The following RBFOX1 variants were observed in gnomAD, a reference collection of about 807,000 sequenced individuals.
The protein encoded by RBFOX1 is RNA binding protein fox-1 homolog 1.
A neutral mutation model predicts 57.7 loss-of-function variants in RBFOX1; 8 were observed. That is an observed-to-expected ratio of 0.14 (90% confidence interval 0.08 to 0.25). The LOEUF is 0.25. Ranked by LOEUF, RBFOX1 falls within the 10% of genes least tolerant of loss-of-function variation. The pLI is 1.00. For missense variants in RBFOX1, 611 were observed against 548.5 expected (o/e 1.11, Z -1.14); for synonymous variants, 326 against 222.4 (o/e 1.47, Z -4.15).
At chr16:6,837,264 G>C (rs775124200) in intron 3 of RBFOX1, among the ~76,000 whole-genome samples, 3 of 152,298 alleles carry the variant, frequency 2.0e-5, no homozygotes, top group South Asian at 4.1e-4. Flanking sequence ...TCATCTGAGC[G>C]TGCTGCTAGT....
At chr16:6,133,464 C>A (rs988171561) in intron 1 of RBFOX1, among the ~76,000 whole-genome samples, 1 of 152,180 alleles carries the variant, frequency 6.6e-6, no homozygotes, top group Non-Finnish European at 1.5e-5. Context: ...GGGATGGCAC[C>A]ATGCCCAGTG....
chr16:5,440,392 G>T (rs983938396), intron 1 of RBFOX1, among the ~76,000 whole-genome samples: 4 of 152,142 alleles, frequency 2.6e-5, no homozygotes, highest in South Asian at 4.2e-4. Flanking sequence ...AGAGAACAGG[G>T]ATAAAGCTAT....
intron 3 of RBFOX1, among the ~76,000 whole-genome samples, chr16:6,680,558 C>T (rs775022560): frequency 6.6e-5 from 10 of 152,124 alleles, no homozygotes; most frequent in African/African-American, 1.9e-4. Context: ...CCACCGCGTC[C>T]GGCCCTCTTT....
intron 3 of RBFOX1, among the ~76,000 whole-genome samples, chr16:7,030,354 A>G (rs1223255138): frequency 6.6e-6 from 1 of 152,184 alleles, no homozygotes; most frequent in Non-Finnish European, 1.5e-5. Flanking sequence ...GCCATAAGTT[A>G]ACGCCAACTG....
At chr16:6,856,911 AAGAAAG>A (rs1325404712) in intron 3 of RBFOX1, among the ~76,000 whole-genome samples, 6 of 152,164 alleles carry the variant, frequency 3.9e-5, no homozygotes, top group Admixed American at 2.0e-4. Context: ...AGGGAAAAGA[AAGAAAG>A]AGAAAGAGAA....
At chr16:5,748,056 G>A (rs1423103213) in intron 3 of RBFOX1, among the ~76,000 whole-genome samples, 3 of 152,136 alleles carry the variant, frequency 2.0e-5, no homozygotes, top group African/African-American at 7.2e-5. Flanking sequence ...ATGTGTCCCA[G>A]ATATTCTGGT....
chr16:7,048,387 G>C (rs2048789524), intron 3 of RBFOX1, among the ~76,000 whole-genome samples: 1 of 151,962 alleles, frequency 6.6e-6, no homozygotes, highest in African/African-American at 2.4e-5. Context: ...AGCCTCCCTA[G>C]TAGCTGGGAC....
At chr16:6,735,477 G>T (rs1278217886) in intron 3 of RBFOX1, among the ~76,000 whole-genome samples, 1 of 152,184 alleles carries the variant, frequency 6.6e-6, no homozygotes, top group Non-Finnish European at 1.5e-5. Context: ...TAAATCTTCA[G>T]AGTATACATA....
At chr16:6,225,692 C>T (rs1385410575) in intron 1 of RBFOX1, among the ~76,000 whole-genome samples, 1 of 152,140 alleles carries the variant, frequency 6.6e-6, no homozygotes. Flanking sequence ...TAATACCCTG[C>T]TCACACTCTT....
chr16:7,347,560 T>C (rs1213982218), intron 4 of RBFOX1, among the ~76,000 whole-genome samples: 1 of 151,912 alleles, frequency 6.6e-6, no homozygotes, highest in Non-Finnish European at 1.5e-5. Context: ...CCAAACGATA[T>C]CAAGTGGACA....
chr16:7,635,033 G>A (rs1044233839), intron 11 of RBFOX1, among the ~76,000 whole-genome samples: 4 of 152,188 alleles, frequency 2.6e-5, no homozygotes, highest in Admixed American at 6.5e-5. Flanking sequence ...CCATTCCGAA[G>A]GCCAGTGGTC....
intron 3 of RBFOX1, among the ~76,000 whole-genome samples, chr16:6,965,444 C>G (rs1294246874): frequency 6.6e-6 from 1 of 151,752 alleles, no homozygotes; most frequent in Non-Finnish European, 1.5e-5. Flanking sequence ...TCAATTGATT[C>G]TTCTGCCTAA....
chr16:7,219,685 C>G (rs1256795577), intron 4 of RBFOX1, among the ~76,000 whole-genome samples: 2 of 152,176 alleles, frequency 1.3e-5, no homozygotes, highest in African/African-American at 4.8e-5. Context: ...GTATAGATCC[C>G]TGCTCTGAGT....
At chr16:6,431,925 C>G (rs2094108450) in intron 2 of RBFOX1, among the ~76,000 whole-genome samples, 1 of 149,982 alleles carries the variant, frequency 6.7e-6, no homozygotes, top group African/African-American at 2.5e-5. Context: ...TTCTTTCTTT[C>G]TTTCTTTCTT....
intron 4 of RBFOX1, among the ~76,000 whole-genome samples, chr16:7,225,919 T>TATATATAAAA (rs1315130232): frequency 1.4e-5 from 2 of 142,144 alleles, no homozygotes; most frequent in East Asian, 2.0e-4. Context: ...TATATATATA[T>TATATATAAAA]AAATGTGAAT....
At chr16:7,260,690 TAATGAGA>T (rs139473683) in intron 4 of RBFOX1, among the ~76,000 whole-genome samples, 3,800 of 152,308 alleles carry the variant, frequency 0.025, 218 homozygotes, top group East Asian at 0.23. Flanking sequence ...TCTAATGTTC[TAATGAGA>T]ATATTTTCCA....
At chr16:7,659,744 C>T (rs1331008320) in intron 12 of RBFOX1, among the ~76,000 whole-genome samples, 1 of 152,140 alleles carries the variant, frequency 6.6e-6, no homozygotes, top group Non-Finnish European at 1.5e-5. Flanking sequence ...AGTGTGACTT[C>T]TTATTTGCTA....
intron 3 of RBFOX1, among the ~76,000 whole-genome samples, chr16:6,999,212 A>ATTTTTTTTTTTTTTTTTTT (rs1254312494): frequency 5.1e-5 from 6 of 117,682 alleles, no homozygotes; most frequent in Non-Finnish European, 1.1e-4. Context: ...TTTTATTTTT[A>ATTTTTTTTTTTTTTTTTTT]TTTATTTTTT....
At chr16:7,675,714 C>T (rs1257989929) in intron 13 of RBFOX1, among the ~76,000 whole-genome samples, 1 of 150,278 alleles carries the variant, frequency 6.7e-6, no homozygotes, top group African/African-American at 2.5e-5. Flanking sequence ...TCTCATGATT[C>T]TGCTGTTGTA....
Sources: allele counts gnomAD v4.1 joint callset (sites outside exome capture counted in the v4.1 genomes callset), GRCh38; gene constraint gnomAD v4.1.1; transcripts MANE v1.5; gene names NCBI Gene and HGNC (gene_info 2026-07-23, HGNC 2026-07-21).